ZCCHC4: variants seen among roughly 807,000 people sequenced by gnomAD.
ZCCHC4 encodes the protein rRNA N(6)-adenosine-methyltransferase ZCCHC4.
ZCCHC4 carries 54 observed loss-of-function variants against 67.7 expected under a neutral mutation model. The ratio of observed to expected loss-of-function variants is 0.80; its 90% confidence interval spans 0.64 to 1.00. The LOEUF is 1.00. Ranked by LOEUF, ZCCHC4 falls within the 50% of genes least tolerant of loss-of-function variation. The pLI, the probability that ZCCHC4 is intolerant of heterozygous loss-of-function variation, is 0.00. For missense variants in ZCCHC4, 609 were observed against 617.0 expected (o/e 0.99, Z 0.14); for synonymous variants, 198 against 213.5 (o/e 0.93, Z 0.63).
rs533089952 is a variant in ZCCHC4, at chr4:25,348,064, T to A, written c.760-1428T>A. 3.3e-5 allele frequency among the ~76,000 whole-genome samples: 5 copies of A among 152,370 alleles called. No individual in the cohort carries two copies. In the East Asian group the frequency reaches 9.6e-4, roughly 29 times the overall value. On this transcript the variant is annotated intron_variant, in intron 6 of 12. Transcript: ENST00000302874. ...AGGAGTTAGACATCATTTACTTGTA[T>A]AATTTCTTTTTTCTACTTTTAACTC...
Position 25,312,870 on chromosome 4 carries a change from G to C in ZCCHC4, c.61G>C (p.Gly21Arg), listed in dbSNP as rs199598617. The C allele has an allele frequency of 3.1e-6, 5 of 1,613,080 alleles. No individual in the cohort carries two copies. Among genetic ancestry groups the C allele is most frequent in the Non-Finnish European group, 4.2e-6 (5 of 1,180,032 alleles). ...VEAEGSAGCR[G>R]SSGMEVVLPL... ...GGCAGAGGGCAGCGCAGGGTGCCGG[G>C]GAAGCTCGGGAATGGAGGTGGTGCT... Residue 21 changes from glycine (G) to arginine (R), a missense_variant, in exon 1 of 13, where the codon GGA (glycine) becomes CGA (arginine). Physicochemically the swap from Gly to Arg is moderately radical, Grantham distance 125. Coordinates refer to ENST00000302874, the MANE Select transcript of ZCCHC4 (RefSeq NM_024936.3).
intron 12 of ZCCHC4, chr4:25,365,838 C>T: frequency 1.0e-6 from 1 of 985,296 alleles, no homozygotes; most frequent in Non-Finnish European, 1.2e-6. Flanking sequence ...AAGAGAAAAA[C>T]ATTGCTATTT....
intron 5 of ZCCHC4, among the ~76,000 whole-genome samples, chr4:25,341,080 A>G (rs777516326): frequency 2.0e-5 from 3 of 152,114 alleles, no homozygotes; most frequent in South Asian, 2.1e-4. Flanking sequence ...ACCTCAAGCA[A>G]TCTTCCCACC....
At chr4:25,360,285 C>T (rs1720679176) in intron 8 of ZCCHC4, among the ~76,000 whole-genome samples, 1 of 152,256 alleles carries the variant, frequency 6.6e-6, no homozygotes, top group South Asian at 2.1e-4. Flanking sequence ...GCCTTCCTTG[C>T]AGCCAAGTGG....
chr4:25,339,768 A>G (rs1261762717), intron 5 of ZCCHC4, among the ~76,000 whole-genome samples: 2 of 152,022 alleles, frequency 1.3e-5, no homozygotes, highest in Non-Finnish European at 2.9e-5. Context: ...GTTAGGTGTC[A>G]TATCTAAGAA....
chr4:25,364,824 T>A (rs1215524326), intron 11 of ZCCHC4, among the ~76,000 whole-genome samples, 198 bp from the exon 12 acceptor site: 1 of 152,186 alleles, frequency 6.6e-6, no homozygotes, highest in Non-Finnish European at 1.5e-5. Flanking sequence ...ATTTGTTGCA[T>A]GTAACAGAAA....
intron 6 of ZCCHC4, among the ~76,000 whole-genome samples, chr4:25,348,979 A>T (rs1720155579): frequency 6.6e-6 from 1 of 152,186 alleles, no homozygotes; most frequent in South Asian, 2.1e-4. Flanking sequence ...ATTTACTTAC[A>T]GTGCATGTTC....
In ZCCHC4 at chr4:25,351,583, C is replaced by T; in HGVS notation, c.911-6C>T. 2 of 1,580,376 alleles carry T rather than the reference C, an allele frequency of 1.3e-6. No individual in the cohort carries two copies. The highest frequency in any genetic ancestry group is 1.7e-5 in the Admixed American group (1 of 57,796). On this transcript the variant is annotated splice_region_variant and splice_polypyrimidine_tract_variant and intron_variant, in intron 7 of 12. Transcript: ENST00000302874. ...CTATTATTTTTTCCTTTTTGTGATC[C>T]ATTAGATGACAGTCACAAAGAACTA...
intron 5 of ZCCHC4, among the ~76,000 whole-genome samples, chr4:25,336,143 G>C (rs984445580): frequency 6.6e-6 from 1 of 152,168 alleles, no homozygotes. Flanking sequence ...ATACTGAAAA[G>C]AAACCTAGAG....
chr4:25,344,446 A>G (rs1186717222), intron 5 of ZCCHC4, among the ~76,000 whole-genome samples: 2 of 117,122 alleles, frequency 1.7e-5, no homozygotes, highest in Non-Finnish European at 3.3e-5. Flanking sequence ...GGAACATCAC[A>G]CTCTGGGGAC....
At position 25,345,773 on chromosome 4, in the gene ZCCHC4, G is replaced by A. The variant is rs1170951359; in HGVS notation, c.759+153G>A. Among the ~76,000 whole-genome samples the A allele has an allele frequency of 2.6e-5, 4 of 152,060 alleles. 1 individual carries two copies. Among genetic ancestry groups the A allele is most frequent in the East Asian group, 3.8e-4 (2 of 5,196 alleles). On this transcript the variant is annotated intron_variant, in intron 6 of 12. Transcript: ENST00000302874. ...TATTTTTGTTCTTTCACTGTTTATT[G>A]AGCACCTAGAGGTGATTTTATTATT... is the stretch of plus-strand genomic sequence containing the variant.
In ZCCHC4 at chr4:25,359,545, G is replaced by A. The variant is rs537868271; in HGVS notation, c.1012-2314G>A. ...GGCTGTTGGCGGGATCAAGGGGTCC[G>A]TGCCACAAAGAAGGGAAAGATGCCC... On this transcript the variant is annotated intron_variant, in intron 8 of 12. Coordinates refer to ENST00000302874, the MANE Select transcript of ZCCHC4 (RefSeq NM_024936.3). The surrounding 1 kb of genome is among the most constrained non-coding windows in gnomAD (Gnocchi z 4.9). Among the ~76,000 whole-genome samples, 27 of 152,184 alleles carry A rather than the reference G, an allele frequency of 1.8e-4. No individual in the cohort carries two copies. Among genetic ancestry groups the A allele is most frequent in the Non-Finnish European group, 2.9e-4 (20 of 68,034 alleles).
intron 5 of ZCCHC4, among the ~76,000 whole-genome samples, chr4:25,334,869 G>A (rs986560296): frequency 1.3e-5 from 2 of 150,692 alleles, no homozygotes; most frequent in African/African-American, 2.4e-5. Flanking sequence ...ACAGGGTCTC[G>A]CTCTGTCACC....
chr4:25,341,002 C>T (rs993527081), intron 5 of ZCCHC4, among the ~76,000 whole-genome samples: 7 of 151,948 alleles, frequency 4.6e-5, no homozygotes, highest in African/African-American at 1.7e-4. Context: ...ATAATATCGT[C>T]TCTTCCTTAT....
chr4:25,361,023 A>G (rs1720713202), intron 8 of ZCCHC4, among the ~76,000 whole-genome samples: 1 of 152,200 alleles, frequency 6.6e-6, no homozygotes, highest in South Asian at 2.1e-4. Flanking sequence ...CCTTGTGGTT[A>G]ACTACCTAGA....
chr4:25,325,111 T>C (rs113122363), intron 3 of ZCCHC4, among the ~76,000 whole-genome samples: 30,343 of 103,680 alleles, frequency 0.29, 5,722 homozygotes, highest in Non-Finnish European at 0.43. Flanking sequence ...GGCGAGGTAG[T>C]GGGCGCCTGT....
intron 1 of ZCCHC4, among the ~76,000 whole-genome samples, chr4:25,313,550 G>C (rs2109042771): frequency 6.6e-6 from 1 of 152,166 alleles, no homozygotes; most frequent in East Asian, 1.9e-4. Flanking sequence ...GTCACTGCCG[G>C]AATGTTGTAA....
intron 6 of ZCCHC4, among the ~76,000 whole-genome samples, chr4:25,346,917 T>C (rs1720047684): frequency 6.6e-6 from 1 of 152,196 alleles, no homozygotes; most frequent in African/African-American, 2.4e-5. Context: ...CTGGGTTGTC[T>C]AGGCATTCAC....
intron 1 of ZCCHC4, among the ~76,000 whole-genome samples, chr4:25,313,473 C>G (rs1242637062): frequency 6.6e-6 from 1 of 152,206 alleles, no homozygotes; most frequent in Non-Finnish European, 1.5e-5. Context: ...ACAACGTAGA[C>G]AGCAACTGTA....
Sources: gnomAD v4.1 joint callset for allele counts (sites outside exome capture counted in the v4.1 genomes callset) on GRCh38, gnomAD v4.1.1 for gene constraint, Gnocchi (gnomAD v3.1) non-coding constraint, MANE v1.5 for transcripts, NCBI Gene and HGNC (gene_info 2026-07-23, HGNC 2026-07-21) for gene names.